Variants in RAE1 observed in about 807,000 individuals in gnomAD.
RAE1 encodes the protein ribonucleic acid export 1.
A neutral mutation model predicts 52.7 loss-of-function variants in RAE1; 13 were observed. That is an observed-to-expected ratio of 0.25 (90% CI 0.16 to 0.39). The LOEUF is 0.39. Ranked by LOEUF, RAE1 falls within the 10% of genes least tolerant of loss-of-function variation. The probability of loss-of-function intolerance (pLI) is 1.00; values close to 1 mark genes in which losing one functional copy is unlikely to be tolerated. For missense variants in RAE1, 262 were observed against 459.8 expected, an observed-to-expected ratio of 0.57 and a Z score of 3.93; for synonymous variants, 164 against 153.1, an observed-to-expected ratio of 1.07 and a Z score of -0.52.
At chr20:57,359,081 T>A in intron 4 of RAE1, 2 of 1,408,884 alleles carry the variant, frequency 1.4e-6, no homozygotes, top group Non-Finnish European at 1.9e-6. Flanking sequence ...TTATGCTACC[T>A]TCGCACGGTC....
intron 4 of RAE1, among the ~76,000 whole-genome samples, chr20:57,361,079 T>G (rs1199619394): frequency 6.7e-6 from 1 of 149,300 alleles, no homozygotes; most frequent in African/African-American, 2.6e-5. Flanking sequence ...AAGTGGAAAA[T>G]TAAAGTATGA....
Position 57,362,986 on chromosome 20 carries a change from G to A in RAE1, c.289-2370G>A, listed in dbSNP as rs1037359413. Among the ~76,000 whole-genome samples the A allele has an allele frequency of 3.9e-5, 6 of 152,250 alleles. No individual in the cohort carries two copies. The East Asian group carries it at 9.7e-4, about 25-fold the overall frequency. The stretch of plus-strand genomic sequence containing the variant: ...AGTAGAGATGGGGTTTCGCCATGTT[G>A]CCGAGACTGATCACAAACTGCTGAG... On this transcript the variant is annotated intron_variant, in intron 4 of 11. Transcript: ENST00000395841.
chr20:57,355,715 G>T (rs565482135), intron 3 of RAE1, among the ~76,000 whole-genome samples: 60 of 152,348 alleles, frequency 3.9e-4, no homozygotes, highest in African/African-American at 1.4e-3. Flanking sequence ...GAATACCATT[G>T]TAAGTTTTTG....
intron 4 of RAE1, chr20:57,357,920 G>C (rs1160243987): frequency 6.6e-6 from 1 of 152,234 alleles, no homozygotes; most frequent in Non-Finnish European, 1.5e-5. Context: ...CAGTAGAACT[G>C]ATAGCTGGAT....
chr20:57,378,294 T>TTGCAG lies in RAE1; in HGVS notation c.*196_*200dup. ...TGCCGTCTCTCCATTCCACTGCCTGTTGCAGAGTTTTTCTGTAACTAAGGG... is the reference window on the plus strand; with the variant it reads ...TGCCGTCTCTCCATTCCACTGCCTGTTGCAGTGCAGAGTTTTTCTGTAACTAAGGG... On this transcript the variant is annotated 3_prime_UTR_variant, in exon 12 of 12. Coordinates refer to ENST00000395841, the MANE Select transcript of RAE1 (RefSeq NM_003610.4). The TTGCAG allele has an allele frequency of 1.9e-6, 1 of 535,378 alleles. No individual in the cohort carries two copies. Among genetic ancestry groups the TTGCAG allele is most frequent in the Non-Finnish European group, 3.3e-6 (1 of 299,542 alleles). The allele number at this position is 535,378 out of a possible 1,614,324, so 33.2% of individuals were successfully genotyped here. A position where few individuals can be genotyped will look rare whatever the true frequency, so the allele number is the denominator to read the frequency against.
At chr20:57,374,473 C>G in intron 10 of RAE1, 134 bp from the exon 11 acceptor site, 1 of 838,288 alleles carries the variant, frequency 1.2e-6, no homozygotes, top group Non-Finnish European at 1.9e-6. Context: ...GTTTCTCTTG[C>G]TATCAGCGGG....
chr20:57,376,841 G>A (rs1338146444), intron 11 of RAE1, among the ~76,000 whole-genome samples: 3 of 152,194 alleles, frequency 2.0e-5, no homozygotes, highest in Non-Finnish European at 4.4e-5. Context: ...CGTTATACGC[G>A]TTAAAAAATG....
rs571054850 is a variant in RAE1, at chr20:57,352,594, C to G, written c.-8+1172C>G. 9.5e-4 allele frequency among the ~76,000 whole-genome samples: 144 copies of G among 152,326 alleles called. 1 individual carries two copies. Among genetic ancestry groups the G allele is most frequent in the Non-Finnish European group, 1.8e-3 (120 of 68,042 alleles). The stretch of plus-strand genomic sequence containing the variant: ...ACGAACGATTCTCACCTACCATGTT[C>G]TTTTTCCTAAGTTCATCCCTAATGG... On this transcript the variant is annotated intron_variant, in intron 1 of 11. Transcript: ENST00000395841.
In RAE1 at chr20:57,351,319, C is replaced by G. The variant is rs890712604; in HGVS notation, c.-111C>G. On this transcript the variant is annotated 5_prime_UTR_variant, in exon 1 of 12. Coordinates refer to ENST00000395841, the MANE Select transcript of RAE1 (RefSeq NM_003610.4). Reference sequence around the variant, plus strand: ...AGGAGGCTTCGGGCTCCTGGGATTTCTGTCCGCGCTCCTGGCCCTCGTCCT... The same window carrying G: ...AGGAGGCTTCGGGCTCCTGGGATTTGTGTCCGCGCTCCTGGCCCTCGTCCT... 3.0e-6 allele frequency: 3 copies of G among 985,388 alleles called. No individual in the cohort carries two copies. In the African/African-American group the frequency reaches 5.2e-5, roughly 17 times the overall value. 61.0% of individuals were successfully genotyped at this position (985,388 alleles called of 1,614,324 possible).
At position 57,368,797 on chromosome 20, in the gene RAE1, T is replaced by G. The variant is rs773672276; in HGVS notation, c.627T>G (p.Ser209=). The G allele has an allele frequency of 6.2e-6, 10 of 1,611,826 alleles. No individual in the cohort carries two copies. The highest frequency in any genetic ancestry group is 1.7e-4 in the Middle Eastern group (1 of 6,060). ...CTTCTGAATTCAGGAGGATAGAATC[T>G]CCACTGAAACATCAGGTGCGTCATT... ...NQPSEFRRIE[S]PLKHQHRCVA... is the part of the protein sequence containing the mutation. The change falls in exon 8 of 12, where the codon TCT becomes TCG. Residue 209 remains serine (S), a synonymous_variant. Coordinates refer to ENST00000395841, the MANE Select transcript of RAE1 (RefSeq NM_003610.4).
At position 57,365,430 on chromosome 20, in the gene RAE1, A is replaced by G. The variant is rs772464481; in HGVS notation, c.363A>G (p.Ile121Met). Reference protein sequence around the residue: ...KMWDLSSNQAIQIAQHDAPVK... With the variant: ...KMWDLSSNQAMQIAQHDAPVK... ...GGGACCTCAGCAGTAACCAAGCGAT[A>G]CAGATCGCACAGGTAACAGAAGCCT... Residue 121 changes from isoleucine to methionine, a missense_variant, in exon 5 of 12, where the codon ATA becomes ATG. Coordinates refer to ENST00000395841, the MANE Select transcript of RAE1 (RefSeq NM_003610.4). The G allele has an allele frequency of 1.6e-5, 26 of 1,604,714 alleles. No homozygotes were observed. The African/African-American group carries it at 3.2e-4, about 20-fold the overall frequency.
At chr20:57,373,641 T>TA (rs758136916) in intron 9 of RAE1, 22 bp from the exon 10 acceptor site, 6 of 1,613,838 alleles carry the variant, frequency 3.7e-6, no homozygotes, top group South Asian at 1.1e-5. Flanking sequence ...AAGGAAGACT[T>TA]ACATGAACCT....
chr20:57,375,845 C>T (rs1421352863), intron 11 of RAE1, among the ~76,000 whole-genome samples: 1 of 152,206 alleles, frequency 6.6e-6, no homozygotes. Context: ...TACAGCTCTC[C>T]TCCCTGCTTC....
intron 1 of RAE1, among the ~76,000 whole-genome samples, chr20:57,352,306 A>G (rs1291006894): frequency 6.6e-6 from 1 of 152,200 alleles, no homozygotes; most frequent in African/African-American, 2.4e-5. Context: ...TTGAACTGGG[A>G]TATGAAGATT....
chr20:57,370,727 ATAC>A lies in RAE1; in HGVS notation c.642+1916_642+1918del. Among the ~76,000 whole-genome samples, 4 of 152,344 alleles carry A rather than the reference ATAC, an allele frequency of 2.6e-5. No homozygotes were observed. In the South Asian group the frequency reaches 8.3e-4, roughly 32 times the overall value. ...CTTTATACGTATGTATGGATGTCAT[ATAC>A]ATACTAAATATTTCCCTTCTTTTGC... On this transcript the variant is annotated intron_variant, in intron 8 of 11. Transcript: ENST00000395841.
chr20:57,360,437 C>T lies in RAE1; in HGVS notation c.288+3899C>T, dbSNP rs190363330. 7.2e-5 allele frequency among the ~76,000 whole-genome samples: 11 copies of T among 152,246 alleles called. No individual in the cohort carries two copies. In the East Asian group the frequency reaches 1.5e-3, roughly 21 times the overall value. ...AGGGGCAAGAGGTGGTGAGACGTAT[C>T]GGGGTTTATTGATTATAGAACAGGC... On this transcript the variant is annotated intron_variant, in intron 4 of 11. Coordinates refer to ENST00000395841, the MANE Select transcript of RAE1 (RefSeq NM_003610.4).
At chr20:57,367,643 C>T (rs967703023) in intron 7 of RAE1, among the ~76,000 whole-genome samples, 7 of 149,814 alleles carry the variant, frequency 4.7e-5, no homozygotes, top group East Asian at 2.0e-4. Context: ...GGGAGGCTGA[C>T]GCATGAGAAT....
At chr20:57,363,629 A>G (rs1397722063) in intron 4 of RAE1, among the ~76,000 whole-genome samples, 1 of 152,232 alleles carries the variant, frequency 6.6e-6, no homozygotes, top group African/African-American at 2.4e-5. Context: ...TGATTGCACC[A>G]TTGCACTCCA....
intron 1 of RAE1, among the ~76,000 whole-genome samples, chr20:57,352,281 CGGA>C (rs563091980): frequency 2.7e-4 from 41 of 152,210 alleles, no homozygotes; most frequent in Middle Eastern, 3.4e-3. Flanking sequence ...CCAAGAAGTT[CGGA>C]GGAGGCAACT....
Sources: allele counts gnomAD v4.1 joint callset (sites outside exome capture counted in the v4.1 genomes callset), GRCh38; gene constraint gnomAD v4.1.1; transcripts MANE v1.5; gene names NCBI Gene and HGNC (gene_info 2026-07-23, HGNC 2026-07-21).